Variants in RBFOX1 observed in about 807,000 individuals in gnomAD.
RBFOX1 encodes RNA binding fox-1 homolog 1, also known as RNA binding protein fox-1 homolog 1.
Under a neutral mutation model 57.7 loss-of-function variants are expected in RBFOX1, and 8 were observed. That is an observed-to-expected ratio of 0.14 (90% CI 0.08 to 0.25). The LOEUF is 0.25. Ranked by LOEUF, RBFOX1 falls within the 10% of genes least tolerant of loss-of-function variation. The pLI is 1.00. For missense variants in RBFOX1, 611 were observed against 548.5 expected (o/e 1.11, Z -1.14); for synonymous variants, 326 against 222.4 (o/e 1.47, Z -4.15).
At chr16:5,620,164 C>G (rs1289780440) in intron 3 of RBFOX1, among the ~76,000 whole-genome samples, 2 of 152,048 alleles carry the variant, frequency 1.3e-5, no homozygotes, top group South Asian at 2.1e-4. Flanking sequence ...ACCCGAGGAG[C>G]TTTGCGTACA....
chr16:6,806,821 T>TATAAATATATATATATAA (rs1448061371), intron 3 of RBFOX1, among the ~76,000 whole-genome samples: 93 of 77,914 alleles, frequency 1.2e-3, no homozygotes, highest in South Asian at 6.5e-3. Context: ...TATATAAATA[T>TATAAATATATATATATAA]ATATATATAT....
At chr16:7,248,870 C>G (rs1243279755) in intron 4 of RBFOX1, among the ~76,000 whole-genome samples, 1 of 152,114 alleles carries the variant, frequency 6.6e-6, no homozygotes, top group African/African-American at 2.4e-5. Context: ...TATATCCTAC[C>G]TATATACATA....
chr16:6,697,333 G>A (rs930987289), intron 3 of RBFOX1, among the ~76,000 whole-genome samples: 1 of 152,152 alleles, frequency 6.6e-6, no homozygotes, highest in African/African-American at 2.4e-5. Flanking sequence ...GCCAGAGGAA[G>A]TCATATTAAG....
At chr16:6,829,314 A>C (rs1330429510) in intron 3 of RBFOX1, among the ~76,000 whole-genome samples, 1 of 152,086 alleles carries the variant, frequency 6.6e-6, no homozygotes, top group Non-Finnish European at 1.5e-5. Flanking sequence ...TAATCTACAT[A>C]AATACATATA....
At chr16:6,767,912 C>G (rs1185763088) in intron 3 of RBFOX1, among the ~76,000 whole-genome samples, 1 of 94,824 alleles carries the variant, frequency 1.1e-5, no homozygotes, top group Non-Finnish European at 2.1e-5. Context: ...AGGACTCTAT[C>G]TCAATAATAA....
At chr16:6,966,499 G>C (rs1298129664) in intron 3 of RBFOX1, among the ~76,000 whole-genome samples, 1 of 152,118 alleles carries the variant, frequency 6.6e-6, no homozygotes, top group Non-Finnish European at 1.5e-5. Context: ...AGCTTATTAG[G>C]TGGCGAGAGG....
intron 4 of RBFOX1, among the ~76,000 whole-genome samples, chr16:7,258,451 T>C (rs1395306047): frequency 6.6e-6 from 1 of 152,180 alleles, no homozygotes; most frequent in Non-Finnish European, 1.5e-5. Context: ...TTTCATCTTC[T>C]ATATTCTCCT....
At chr16:7,384,918 T>G (rs1231021589) in intron 4 of RBFOX1, among the ~76,000 whole-genome samples, 2 of 152,144 alleles carry the variant, frequency 1.3e-5, no homozygotes, top group Non-Finnish European at 2.9e-5. Flanking sequence ...GTCAGATAAT[T>G]AAAACAGAGA....
chr16:7,231,211 A>G (rs1203542487), intron 4 of RBFOX1, among the ~76,000 whole-genome samples: 1 of 152,216 alleles, frequency 6.6e-6, no homozygotes, highest in Non-Finnish European at 1.5e-5. Flanking sequence ...AAGAGCTAGA[A>G]TACGCTTGTT....
At chr16:7,694,987 A>T (rs1568505595) in intron 14 of RBFOX1, among the ~76,000 whole-genome samples, 1 of 152,074 alleles carries the variant, frequency 6.6e-6, no homozygotes, top group South Asian at 2.1e-4. Flanking sequence ...CCCGTGACTT[A>T]AACCCTGCCT....
At chr16:7,196,100 TTTCTC>T (rs2152684289) in intron 4 of RBFOX1, among the ~76,000 whole-genome samples, 1 of 152,196 alleles carries the variant, frequency 6.6e-6, no homozygotes, top group African/African-American at 2.4e-5. Flanking sequence ...TGTTTGCTCT[TTTCTC>T]TTCATCATCC....
rs531168037 is a variant in RBFOX1, at chr16:6,178,207, G to C, written c.-126-138788G>C. Reference sequence around the variant, plus strand: ...TTTTTTTTTTTTTTTTTTTTTTGGAGACAGAGTGTTGCTCTATTCCCCAGG... The same window carrying C: ...TTTTTTTTTTTTTTTTTTTTTTGGACACAGAGTGTTGCTCTATTCCCCAGG... On this transcript the variant is annotated intron_variant, in intron 1 of 15. Transcript: ENST00000550418. Among the ~76,000 whole-genome samples the C allele has an allele frequency of 6.9e-5, 7 of 101,880 alleles. No homozygotes were observed. In the South Asian group the frequency reaches 1.7e-3, roughly 25 times the overall value. 66.8% of individuals were successfully genotyped at this position (101,880 alleles called of 152,430 possible).
At chr16:6,321,026 T>C (rs2081722736) in intron 2 of RBFOX1, among the ~76,000 whole-genome samples, 1 of 152,194 alleles carries the variant, frequency 6.6e-6, no homozygotes, top group African/African-American at 2.4e-5. Context: ...ACTCCTGACC[T>C]CAGGTGATCC....
intron 1 of RBFOX1, among the ~76,000 whole-genome samples, chr16:5,454,749 C>G (rs1293832768): frequency 9.3e-6 from 1 of 107,286 alleles, no homozygotes; most frequent in Non-Finnish European, 2.0e-5. Context: ...CTTTCTTTTT[C>G]TTTTCTTTTC....
intron 4 of RBFOX1, among the ~76,000 whole-genome samples, chr16:7,307,287 C>T (rs868116755): frequency 6.6e-6 from 1 of 152,170 alleles, no homozygotes; most frequent in Non-Finnish European, 1.5e-5. Flanking sequence ...AAAATGACTT[C>T]ATTAAATGCT....
chr16:5,806,777 G>A (rs1230517018), intron 3 of RBFOX1, among the ~76,000 whole-genome samples: 1 of 152,190 alleles, frequency 6.6e-6, no homozygotes, highest in Non-Finnish European at 1.5e-5. Context: ...TAGCACAGAG[G>A]TGACTGCAGG....
At chr16:6,878,104 C>T (rs1285525647) in intron 3 of RBFOX1, among the ~76,000 whole-genome samples, 4 of 152,072 alleles carry the variant, frequency 2.6e-5, no homozygotes, top group Non-Finnish European at 5.9e-5. Flanking sequence ...TATATGGTGG[C>T]GTGTATGCAA....
chr16:6,392,376 C>T lies in RBFOX1; in HGVS notation c.-64+75319C>T, dbSNP rs375764970. Among the ~76,000 whole-genome samples the T allele has an allele frequency of 1.0e-3, 152 of 152,098 alleles. 3 individuals carry two copies. The highest frequency in any genetic ancestry group is 6.4e-3 in the South Asian group (31 of 4,814). ...CCTGGACCATAGAGTACCTTAAATA[C>T]GTTACATTATATAATTTACTAATAG... On this transcript the variant is annotated intron_variant, in intron 2 of 15. Coordinates refer to ENST00000550418, the MANE Select transcript of RBFOX1 (RefSeq NM_018723.4).
chr16:5,658,849 GTA>G (rs888669651), intron 3 of RBFOX1, among the ~76,000 whole-genome samples: 11 of 147,650 alleles, frequency 7.5e-5, no homozygotes, highest in Non-Finnish European at 1.3e-4. Context: ...TATAATATAT[GTA>G]TATATATGTG....
Sources: allele counts gnomAD v4.1 joint callset (sites outside exome capture counted in the v4.1 genomes callset), GRCh38; gene constraint gnomAD v4.1.1; transcripts MANE v1.5; gene names NCBI Gene and HGNC (gene_info 2026-07-23, HGNC 2026-07-21).